Variants in DYNC2I1 observed in about 807,000 individuals in gnomAD.
DYNC2I1 encodes the protein cytoplasmic dynein 2 intermediate chain 1.
DYNC2I1 carries 89 observed loss-of-function variants against 133.4 expected under a neutral mutation model. That is an observed-to-expected ratio of 0.67 (90% CI 0.56 to 0.80). The LOEUF is 0.80. Ranked by LOEUF, DYNC2I1 falls within the 30% of genes least tolerant of loss-of-function variation. DYNC2I1 has a pLI of 0.00. For synonymous variants in DYNC2I1, 504 were observed against 484.3 expected, an observed-to-expected ratio of 1.04 and a Z score of -0.54; for missense variants, 1,291 against 1,314.5, an observed-to-expected ratio of 0.98 and a Z score of 0.28.
intron 7 of DYNC2I1, among the ~76,000 whole-genome samples, chr7:158,890,005 CAAAAAAAAA>C (rs35423707): frequency 4.4e-5 from 3 of 67,984 alleles, no homozygotes; most frequent in Non-Finnish European, 8.6e-5. Flanking sequence ...GACTCCTTCT[CAAAAAAAAA>C]AAAAAAAAAA....
At chr7:158,889,834 G>A (rs932025449) in intron 7 of DYNC2I1, among the ~76,000 whole-genome samples, 4 of 151,320 alleles carry the variant, frequency 2.6e-5, no homozygotes, top group Middle Eastern at 3.2e-3. Context: ...TGAAACTCCC[G>A]TCTCTACTCA....
intron 14 of DYNC2I1, among the ~76,000 whole-genome samples, chr7:158,918,442 T>A (rs987165852): frequency 1.3e-5 from 2 of 152,218 alleles, no homozygotes; most frequent in Non-Finnish European, 2.9e-5. Flanking sequence ...GCTTTGTTCA[T>A]TTATGAATGC....
intron 11 of DYNC2I1, among the ~76,000 whole-genome samples, chr7:158,907,298 T>TTA (rs1563145880): frequency 1.5e-5 from 2 of 137,456 alleles, no homozygotes; most frequent in East Asian, 2.0e-4. Flanking sequence ...TTTTTTTTTT[T>TTA]AAACCTGATT....
intron 11 of DYNC2I1, among the ~76,000 whole-genome samples, chr7:158,910,241 CACGTGG>C (rs1275852605): frequency 6.6e-6 from 1 of 152,258 alleles, no homozygotes; most frequent in East Asian, 1.9e-4. Flanking sequence ...AAGAGGAAGC[CACGTGG>C]GTGCGGCGTT....
chr7:158,872,989 T>A (rs1843014213), intron 3 of DYNC2I1, among the ~76,000 whole-genome samples: 1 of 144,612 alleles, frequency 6.9e-6, no homozygotes, highest in Non-Finnish European at 1.5e-5. Context: ...AGACTCTGTC[T>A]AAAAAAAAAA....
chr7:158,895,197 GTGT>G (rs2129482873), intron 8 of DYNC2I1, among the ~76,000 whole-genome samples: 1 of 152,134 alleles, frequency 6.6e-6, no homozygotes, highest in South Asian at 2.1e-4. Context: ...TATGCTTTTG[GTGT>G]TGTATCTAAA....
chr7:158,887,032 A>G lies in DYNC2I1; in HGVS notation c.947A>G (p.Asn316Ser), dbSNP rs1563114120. 1 of 1,613,992 alleles carries G rather than the reference A, an allele frequency of 6.2e-7. No homozygotes were observed. Among genetic ancestry groups the G allele is most frequent in the East Asian group, 2.2e-5 (1 of 44,880 alleles). The change falls in exon 7 of 25, where the codon AAT becomes AGT. Residue 316 changes from asparagine to serine, a missense_variant. By Grantham distance (46) the Asn-to-Ser change is conservative. Coordinates refer to ENST00000407559, the MANE Select transcript of DYNC2I1 (RefSeq NM_018051.5). ...TGTTTGCTTTCCAGGCATGCTGAGA[A>G]TTTAGTAAGGAATCATGGAAAAGAT... ...RDGTSSQHAE[N>S]LVRNHGKDKD...
At position 158,884,079 on chromosome 7, in the gene DYNC2I1, C is replaced by T. The variant is rs1403421881; in HGVS notation, c.880-485C>T. Reference sequence around the variant, plus strand: ...TTTTTTTTTGAGATGGAGTCTCGCTCTGTCGCCCAGGCTGGAGTGCAGTGG... The same window carrying T: ...TTTTTTTTTGAGATGGAGTCTCGCTTTGTCGCCCAGGCTGGAGTGCAGTGG... On this transcript the variant is annotated intron_variant, in intron 5 of 24. Transcript: ENST00000407559. Among the ~76,000 whole-genome samples the T allele has an allele frequency of 4.1e-5, 6 of 146,786 alleles. No homozygotes were observed. In the East Asian group the frequency reaches 1.0e-3, roughly 25 times the overall value.
chr7:158,858,517 G>GT (rs1554435851), intron 1 of DYNC2I1, among the ~76,000 whole-genome samples: 6 of 152,024 alleles, frequency 3.9e-5, no homozygotes, highest in African/African-American at 7.2e-5. Flanking sequence ...TATTTGCCCT[G>GT]TTTTTTTAGT....
Position 158,902,310 on chromosome 7 carries a change from C to A in DYNC2I1, c.1138-66C>A, listed in dbSNP as rs554057194. 4.5e-6 allele frequency: 6 copies of A among 1,322,260 alleles called. No homozygotes were observed. In the East Asian group the frequency reaches 1.4e-4, roughly 30 times the overall value. The allele number at this position is 1,322,260 out of a possible 1,614,324, so 81.9% of individuals were successfully genotyped here. Reference sequence around the variant, plus strand: ...AAGTTATAAAGTGTCATGTTTTGTTCAGTATGAGGGATAATTGAAAGTCAG... The same window carrying A: ...AAGTTATAAAGTGTCATGTTTTGTTAAGTATGAGGGATAATTGAAAGTCAG... On this transcript the variant is annotated intron_variant, in intron 9 of 24. Transcript: ENST00000407559.
chr7:158,894,549 A>G (rs952408013), intron 8 of DYNC2I1, among the ~76,000 whole-genome samples: 1 of 152,194 alleles, frequency 6.6e-6, no homozygotes, highest in African/African-American at 2.4e-5. Flanking sequence ...CTAGTGCTGA[A>G]TAATATCCAT....
At chr7:158,895,715 G>C (rs1167473920) in intron 8 of DYNC2I1, among the ~76,000 whole-genome samples, 2 of 152,240 alleles carry the variant, frequency 1.3e-5, no homozygotes, top group Non-Finnish European at 2.9e-5. Flanking sequence ...TATAGGTCAA[G>C]TTGGGAAAAA....
chr7:158,879,554 C>T, intron 4 of DYNC2I1, 130 bp from the exon 5 acceptor site: 1 of 958,070 alleles, frequency 1.0e-6, no homozygotes, highest in Non-Finnish European at 1.5e-6. Context: ...TTACTACAGA[C>T]ACGATTTTCT....
At position 158,891,337 on chromosome 7, in the gene DYNC2I1, A is replaced by G. The variant is rs764250579; in HGVS notation, c.1059+4A>G. On this transcript the variant is annotated splice_donor_region_variant and intron_variant, in intron 8 of 24. Transcript: ENST00000407559. Reference sequence around the variant, plus strand: ...GCCGGGAGGCGAGGAAACCGTGGTAAGGAGAGTACGTCTTCTTATAGTTTG... The same window carrying G: ...GCCGGGAGGCGAGGAAACCGTGGTAGGGAGAGTACGTCTTCTTATAGTTTG... 1 of 1,614,056 alleles carries G rather than the reference A, an allele frequency of 6.2e-7. No individual in the cohort carries two copies. Among genetic ancestry groups the G allele is most frequent in the Non-Finnish European group, 8.5e-7 (1 of 1,179,896 alleles).
intron 4 of DYNC2I1, among the ~76,000 whole-genome samples, chr7:158,953,120 C>T (rs1398150842): frequency 2.0e-5 from 3 of 152,152 alleles, no homozygotes; most frequent in South Asian, 2.1e-4. Flanking sequence ...TCCTACCCTC[C>T]TCGCCCACCT....
the DYNC2I1 span, among the ~76,000 whole-genome samples, chr7:158,840,850 G>C: frequency 1.3e-5 from 2 of 152,042 alleles, no homozygotes; most frequent in South Asian, 4.1e-4. Flanking sequence ...TGTGGCCAGA[G>C]AGAGCTCCGT....
chr7:158,869,569 CTGT>C (rs1346503731), intron 1 of DYNC2I1: 7 of 520,344 alleles, frequency 1.3e-5, no homozygotes, highest in Middle Eastern at 5.9e-4. Flanking sequence ...TGTCCTTCCT[CTGT>C]TGTTCAACTG....
chr7:158,883,864 C>T (rs1844319689), intron 5 of DYNC2I1, among the ~76,000 whole-genome samples: 1 of 149,260 alleles, frequency 6.7e-6, no homozygotes, highest in Non-Finnish European at 1.5e-5. Context: ...CGGAGTTTCA[C>T]CGTGTTAGCC....
intron 9 of DYNC2I1, 99 bp downstream of exon 9, chr7:158,901,915 T>A: frequency 1.1e-6 from 1 of 919,666 alleles, no homozygotes; most frequent in Non-Finnish European, 1.6e-6. Context: ...TTCTTTTTAT[T>A]AATCCTAATA....
Sources: gnomAD v4.1 joint callset for allele counts (sites outside exome capture counted in the v4.1 genomes callset) on GRCh38, gnomAD v4.1.1 for gene constraint, MANE v1.5 for transcripts, NCBI Gene and HGNC (gene_info 2026-07-23, HGNC 2026-07-21) for gene names.